Variants in GRIN2D observed in about 807,000 individuals in gnomAD.
GRIN2D encodes glutamate receptor ionotropic, NMDA 2D.
GRIN2D carries 37 observed loss-of-function variants against 103.2 expected under a neutral mutation model. The ratio of observed to expected loss-of-function variants is 0.36; its 90% CI spans 0.28 to 0.47. The LOEUF (loss-of-function observed/expected upper bound fraction) is 0.47, where lower values mean the gene tolerates loss of function less well. GRIN2D is among the 20% of genes least tolerant of loss of function. The probability of loss-of-function intolerance (pLI) is 1.00; values close to 1 mark genes in which losing one functional copy is unlikely to be tolerated. For missense variants in GRIN2D, 1,557 were observed against 1,910.6 expected (o/e 0.81, Z 3.45); for synonymous variants, 845 against 885.6 (o/e 0.95, Z 0.81).
chr19:48,401,989 A>C (rs1165941957), intron 3 of GRIN2D, among the ~76,000 whole-genome samples: 1 of 152,092 alleles, frequency 6.6e-6, no homozygotes, highest in African/African-American at 2.4e-5. Flanking sequence ...AATCCCAGCT[A>C]CTTGGGAGGC....
At chr19:48,411,151 G>A (rs1006690924) in intron 4 of GRIN2D, among the ~76,000 whole-genome samples, 1 of 151,734 alleles carries the variant, frequency 6.6e-6, no homozygotes, top group Admixed American at 6.6e-5. Context: ...GCGAAACCTC[G>A]TCTCCACCAA....
At chr19:48,404,631 G>A in intron 3 of GRIN2D, 103 bp from the exon 4 acceptor site, 3 of 1,174,992 alleles carry the variant, frequency 2.6e-6, no homozygotes, top group Non-Finnish European at 3.6e-6. Flanking sequence ...TAGTGAACCT[G>A]TCGAGTCAGT....
chr19:48,434,735 G>A (rs1486163241), intron 11 of GRIN2D, among the ~76,000 whole-genome samples: 1 of 151,428 alleles, frequency 6.6e-6, no homozygotes, highest in Non-Finnish European at 1.5e-5. Flanking sequence ...CTCCCTACCT[G>A]AACTTTTGTT....
chr19:48,441,991 G>C (rs779070189), intron 12 of GRIN2D, 35 bp downstream of exon 12: 28 of 1,575,732 alleles, frequency 1.8e-5, no homozygotes, highest in Admixed American at 1.5e-4. Context: ...ACAGCGGAGA[G>C]GGGGAGGGCG....
intron 4 of GRIN2D, among the ~76,000 whole-genome samples, chr19:48,411,581 G>A (rs141109686): frequency 9.9e-5 from 15 of 151,796 alleles, no homozygotes; most frequent in African/African-American, 3.1e-4. Context: ...CCTGGGAGGC[G>A]GAGGTTCCAG....
intron 4 of GRIN2D, among the ~76,000 whole-genome samples, chr19:48,407,417 C>T (rs983314335): frequency 6.6e-6 from 1 of 152,152 alleles, no homozygotes; most frequent in Non-Finnish European, 1.5e-5. Flanking sequence ...TCCCTCATAA[C>T]TTCAGCTCTT....
chr19:48,416,250 A>G, intron 8 of GRIN2D, 95 bp downstream of exon 8: 1 of 1,122,980 alleles, frequency 8.9e-7, no homozygotes, highest in Non-Finnish European at 1.3e-6. Context: ...GGTTCCCGGT[A>G]TCATCGGTAC....
In GRIN2D at chr19:48,443,874, G is replaced by A; in HGVS notation, c.3948G>A (p.Arg1316=). ...CCACAGCTTCCCACCGGAGACACCG[G>A]GGCGGGGACCTGGGCACCCGCAGGG... The part of the protein sequence containing the change: ...PLPTASHRRH[R]GGDLGTRRGS... Residue 1316 remains arginine (R), a synonymous_variant, in exon 14 of 14, where the codon CGG becomes CGA. Coordinates refer to ENST00000263269, the MANE Select transcript of GRIN2D (RefSeq NM_000836.4). The surrounding 1 kb of genome is among the most constrained non-coding windows in gnomAD (Gnocchi z 8.9). The A allele has an allele frequency of 1.4e-6, 2 of 1,478,544 alleles. No homozygotes were observed. The highest frequency in any genetic ancestry group is 1.5e-5 in the African/African-American group (1 of 68,132). The allele number at this position is 1,478,544 out of a possible 1,614,324, so 91.6% of individuals were successfully genotyped here. A position where few individuals can be genotyped will look rare whatever the true frequency, so the allele number is the denominator to read the frequency against.
Position 48,441,875 on chromosome 19 carries a change from A to G in GRIN2D, c.2359A>G (p.Thr787Ala). The change falls in exon 12 of 14, where the codon ACA (threonine) becomes GCA (alanine). Residue 787 changes from threonine (T) to alanine (A), a missense_variant. Physicochemically the swap from Thr to Ala is moderately conservative, Grantham distance 58. Around this residue, in one of 7 missense-constraint regions of GRIN2D, gnomAD observed 138 missense variants for 270.2 expected, o/e 0.51. Coordinates refer to ENST00000263269, the MANE Select transcript of GRIN2D (RefSeq NM_000836.4). ...TIGSGKVFAT[T>A]GYGIALHKGS... is the part of the protein sequence containing the mutation. ...CGGCTCCGGCAAGGTCTTCGCCACGACAGGCTATGGCATCGCCCTGCACAA... is the reference window on the plus strand; with the variant it reads ...CGGCTCCGGCAAGGTCTTCGCCACGGCAGGCTATGGCATCGCCCTGCACAA... 1 of 1,613,700 alleles carries G rather than the reference A, an allele frequency of 6.2e-7. No individual in the cohort carries two copies. Among genetic ancestry groups the G allele is most frequent in the South Asian group, 1.1e-5 (1 of 91,086 alleles).
In GRIN2D at chr19:48,444,022, G is replaced by A; in HGVS notation, c.*85G>A. On this transcript the variant is annotated 3_prime_UTR_variant, in exon 14 of 14. Transcript: ENST00000263269. The surrounding 1 kb of genome is among the most constrained non-coding windows in gnomAD (Gnocchi z 5.5). ...CCCGCAGTGGACAGGACCCGCGTGG[G>A]TTGGGAAGGAAAGCAGTGGAACTGG... The A allele has an allele frequency of 1.2e-5, 11 of 928,736 alleles. No individual in the cohort carries two copies. The highest frequency in any genetic ancestry group is 3.3e-5 in the East Asian group (1 of 30,064). 57.5% of individuals were successfully genotyped at this position (928,736 alleles called of 1,614,324 possible). A position where few individuals can be genotyped will look rare whatever the true frequency, so the allele number is the denominator to read the frequency against.
Position 48,442,110 on chromosome 19 carries a change from G to A in GRIN2D, c.2441-40G>A. 6.3e-7 allele frequency: 1 copy of A among 1,580,832 alleles called. No individual in the cohort carries two copies. The highest frequency in any genetic ancestry group is 8.7e-7 in the Non-Finnish European group (1 of 1,151,138). On this transcript the variant is annotated intron_variant, in intron 12 of 13. Coordinates refer to ENST00000263269, the MANE Select transcript of GRIN2D (RefSeq NM_000836.4). This position sits in a 1 kb window ranked among gnomAD's most constrained non-coding sequence, Gnocchi z 7.2. ...CACATCACAGACAAGGGTCCTCAGA[G>A]GGTACTCATAGCAGGTGACTTTTGA...
intron 3 of GRIN2D, among the ~76,000 whole-genome samples, chr19:48,402,765 CGAGAGAGA>C (rs35263933): frequency 0.21 from 22,406 of 108,856 alleles, 2,221 homozygotes; most frequent in Admixed American, 0.29. Context: ...TACTCCTTTA[CGAGAGAGA>C]GAGAGAGAGA....
At chr19:48,401,031 C>T (rs1181565525) in intron 3 of GRIN2D, among the ~76,000 whole-genome samples, 1 of 150,366 alleles carries the variant, frequency 6.7e-6, no homozygotes, top group Non-Finnish European at 1.5e-5. Context: ...TGCAGTGAGC[C>T]GAGATCTTGC....
At position 48,415,027 on chromosome 19, in the gene GRIN2D, G is replaced by A; in HGVS notation, c.1576G>A (p.Gly526Arg). 1 of 1,583,948 alleles carries A rather than the reference G, an allele frequency of 6.3e-7. No homozygotes were observed. Among genetic ancestry groups the A allele is most frequent in the Non-Finnish European group, 8.6e-7 (1 of 1,161,068 alleles). The change falls in exon 7 of 14, where the codon GGG becomes AGG. Residue 526 changes from glycine (G) to arginine (R), a missense_variant. By Grantham distance (125) the Gly-to-Arg change is moderately radical. This residue lies in a region of GRIN2D where 197 missense variants were observed against 334.1 expected (regional missense o/e 0.59). Coordinates refer to ENST00000263269, the MANE Select transcript of GRIN2D (RefSeq NM_000836.4). ...KIDGVWNGMI[G>R]EVFYQRADMA... Reference sequence around the variant, plus strand: ...CGATGGCGTCTGGAACGGCATGATCGGGGAGGTGAGGGGGCGGACGGGAGG... The same window carrying A: ...CGATGGCGTCTGGAACGGCATGATCAGGGAGGTGAGGGGGCGGACGGGAGG...
At chr19:48,424,293 CAG>C (rs1834547792) in intron 11 of GRIN2D, among the ~76,000 whole-genome samples, 1 of 114,298 alleles carries the variant, frequency 8.7e-6, no homozygotes, top group Non-Finnish European at 1.7e-5. Context: ...TTTTTTGAGA[CAG>C]AGTCTCGCTC....
chr19:48,433,258 C>T (rs567152039), intron 11 of GRIN2D, among the ~76,000 whole-genome samples: 13 of 151,654 alleles, frequency 8.6e-5, no homozygotes, highest in Non-Finnish European at 2.9e-5. Context: ...ATCCCAGCTA[C>T]TCGGGAGGCT....
intron 10 of GRIN2D, among the ~76,000 whole-genome samples, chr19:48,420,376 C>T (rs868856005): frequency 5.9e-5 from 9 of 151,620 alleles, no homozygotes; most frequent in East Asian, 3.9e-4. Context: ...TGCAGTGAGC[C>T]GAGATCGCCC....
At chr19:48,412,939 C>T (rs1970893935) in intron 4 of GRIN2D, among the ~76,000 whole-genome samples, 1 of 144,590 alleles carries the variant, frequency 6.9e-6, no homozygotes, top group African/African-American at 2.6e-5. Context: ...AGTTCTAGAC[C>T]AGTCTGGCCA....
chr19:48,436,511 G>C (rs1185447603), intron 11 of GRIN2D, among the ~76,000 whole-genome samples: 1 of 152,188 alleles, frequency 6.6e-6, no homozygotes, highest in Non-Finnish European at 1.5e-5. Flanking sequence ...TTCTAATCTT[G>C]CAGCTAATTT....
Sources: allele counts gnomAD v4.1 joint callset (sites outside exome capture counted in the v4.1 genomes callset), GRCh38; gene constraint gnomAD v4.1.1; regional missense constraint gnomAD v4.1.1; non-coding constraint Gnocchi (gnomAD v3.1); transcripts MANE v1.5; gene names NCBI Gene and HGNC (gene_info 2026-07-23, HGNC 2026-07-21).